KAT2B: variants seen among roughly 807,000 people sequenced by gnomAD.
The protein encoded by KAT2B is lysine acetyltransferase 2B.
KAT2B carries 36 observed loss-of-function variants against 105.9 expected under a neutral mutation model. That is an observed-to-expected ratio of 0.34 (90% CI 0.26 to 0.45). The LOEUF is 0.45. KAT2B is among the 20% of genes least tolerant of loss of function. The pLI, the probability that KAT2B is intolerant of heterozygous loss-of-function variation, is 1.00. For synonymous variants in KAT2B, 397 were observed against 377.9 expected, an observed-to-expected ratio of 1.05 and a Z score of -0.59; for missense variants, 820 against 1,021.6, an observed-to-expected ratio of 0.80 and a Z score of 2.69.
intron 2 of KAT2B, among the ~76,000 whole-genome samples, 165 bp downstream of exon 2, chr3:20,072,624 C>T (rs144078165): frequency 1.1e-3 from 174 of 152,338 alleles, no homozygotes; most frequent in Non-Finnish European, 1.8e-4. Flanking sequence ...AAGGGCTTCT[C>T]GTGAGAGACA....
At chr3:20,046,464 C>T (rs1697813806) in intron 1 of KAT2B, among the ~76,000 whole-genome samples, 1 of 152,080 alleles carries the variant, frequency 6.6e-6, no homozygotes, top group Non-Finnish European at 1.5e-5. Flanking sequence ...TGCCTGTAGT[C>T]CCTAGCTACT....
chr3:20,145,214 TA>T (rs1471508828), intron 13 of KAT2B, among the ~76,000 whole-genome samples: 7 of 152,360 alleles, frequency 4.6e-5, no homozygotes, highest in African/African-American at 1.7e-4. Context: ...AATACATTAT[TA>T]AAATCAATTT....
At chr3:20,068,643 C>T (rs1056992178) in intron 1 of KAT2B, among the ~76,000 whole-genome samples, 4 of 152,158 alleles carry the variant, frequency 2.6e-5, no homozygotes, top group Middle Eastern at 3.4e-3. Flanking sequence ...ATGTAATCTC[C>T]AGGAGAGCAG....
intron 5 of KAT2B, among the ~76,000 whole-genome samples, chr3:20,108,683 CT>C (rs1230246283): frequency 6.6e-6 from 1 of 152,232 alleles, no homozygotes; most frequent in Non-Finnish European, 1.5e-5. Flanking sequence ...TCCCCCACCC[CT>C]GGGCCATGGT....
At chr3:20,106,965 A>G (rs1326988485) in intron 5 of KAT2B, among the ~76,000 whole-genome samples, 5 of 15,280 alleles carry the variant, frequency 3.3e-4, no homozygotes, top group East Asian at 5.1e-3. Context: ...TTATGTGTAT[A>G]TATATATATA....
At chr3:20,047,607 T>TC (rs1491508813) in intron 1 of KAT2B, among the ~76,000 whole-genome samples, 8 of 19,152 alleles carry the variant, frequency 4.2e-4, no homozygotes, top group Non-Finnish European at 1.0e-3. Flanking sequence ...CGTGAGTACC[T>TC]TTTTTTTTTT....
At chr3:20,086,697 G>A (rs1575124994) in intron 2 of KAT2B, among the ~76,000 whole-genome samples, 2 of 152,138 alleles carry the variant, frequency 1.3e-5, no homozygotes, top group South Asian at 4.1e-4. Flanking sequence ...TTACTTTTCT[G>A]TATTAGAAAT....
chr3:20,046,279 A>C (rs886764672), intron 1 of KAT2B, among the ~76,000 whole-genome samples: 8 of 152,150 alleles, frequency 5.3e-5, no homozygotes, highest in African/African-American at 1.9e-4. Context: ...CTATAAAATT[A>C]GTCTTAATTG....
At chr3:20,144,314 C>T (rs1355197529) in intron 13 of KAT2B, among the ~76,000 whole-genome samples, 2 of 119,602 alleles carry the variant, frequency 1.7e-5, no homozygotes, top group African/African-American at 6.7e-5. Flanking sequence ...TTTGAGACAG[C>T]GTCTCACTCT....
At chr3:20,149,903 C>T (rs1213425244) in intron 17 of KAT2B, among the ~76,000 whole-genome samples, 2 of 152,236 alleles carry the variant, frequency 1.3e-5, no homozygotes, top group Admixed American at 1.3e-4. Flanking sequence ...TCTGGACCAT[C>T]TCAGCTTCTT....
chr3:20,101,160 G>C, intron 4 of KAT2B, 127 bp from the exon 5 acceptor site: 1 of 713,162 alleles, frequency 1.4e-6, no homozygotes. Flanking sequence ...GGAAAAGGAA[G>C]AGATTTTTGT....
chr3:20,131,894 AT>A (rs1575152788), intron 11 of KAT2B, among the ~76,000 whole-genome samples: 2 of 152,344 alleles, frequency 1.3e-5, no homozygotes, highest in East Asian at 3.9e-4. Context: ...TTTATTTACT[AT>A]ATTAAAAATC....
chr3:20,149,235 G>C (rs1061636), intron 17 of KAT2B, among the ~76,000 whole-genome samples: 34,390 of 151,906 alleles, frequency 0.23, 4,145 homozygotes, highest in African/African-American at 0.27. Context: ...TTTTTGGAGA[G>C]AGCCAGAGTC....
intron 12 of KAT2B, among the ~76,000 whole-genome samples, chr3:20,138,152 T>C (rs1281570154): frequency 1.3e-5 from 2 of 152,102 alleles, no homozygotes; most frequent in Non-Finnish European, 2.9e-5. Flanking sequence ...GAAAGAAAAA[T>C]GGCTTGTAAT....
At chr3:20,104,358 A>G (rs948739826) in intron 5 of KAT2B, among the ~76,000 whole-genome samples, 7 of 152,104 alleles carry the variant, frequency 4.6e-5, no homozygotes, top group South Asian at 2.1e-4. Context: ...GATGACACCA[A>G]CCTCCCCCAC....
chr3:20,048,773 C>T (rs764381505), intron 1 of KAT2B, among the ~76,000 whole-genome samples: 7 of 152,280 alleles, frequency 4.6e-5, no homozygotes, highest in East Asian at 1.9e-4. Context: ...CTGATTCAAA[C>T]GGGGAATTAG....
intron 1 of KAT2B, among the ~76,000 whole-genome samples, chr3:20,063,287 GA>G (rs1698168089): frequency 1.3e-5 from 2 of 151,156 alleles, no homozygotes; most frequent in South Asian, 4.2e-4. Context: ...GGCTGGTCTT[GA>G]ACTCCTGACC....
chr3:20,070,436 C>CT (rs1698301608), intron 1 of KAT2B, among the ~76,000 whole-genome samples: 1 of 151,142 alleles, frequency 6.6e-6, no homozygotes, highest in South Asian at 2.1e-4. Context: ...TCCTGAGTAG[C>CT]TGGGACTACA....
At chr3:20,052,255 C>T (rs1422747407) in intron 1 of KAT2B, among the ~76,000 whole-genome samples, 1 of 152,190 alleles carries the variant, frequency 6.6e-6, no homozygotes, top group Non-Finnish European at 1.5e-5. Flanking sequence ...TTTTCCTTTA[C>T]TGCACTTCTT....
Sources: gnomAD v4.1 joint callset for allele counts (sites outside exome capture counted in the v4.1 genomes callset) on GRCh38, gnomAD v4.1.1 for gene constraint, MANE v1.5 for transcripts, NCBI Gene and HGNC (gene_info 2026-07-23, HGNC 2026-07-21) for gene names.